Variants in EIF4EBP2 observed in about 807,000 individuals in gnomAD.
The protein encoded by EIF4EBP2 is eukaryotic translation initiation factor 4E binding protein 2, also known as eukaryotic translation initiation factor 4E-binding protein 2.
Under a neutral mutation model 10.3 loss-of-function variants are expected in EIF4EBP2, and 5 were observed. That is an observed-to-expected ratio of 0.48 (90% CI 0.25 to 1.02). The LOEUF (loss-of-function observed/expected upper bound fraction) is 1.02. Among genes scored for constraint, EIF4EBP2 ranks in the 50% least tolerant of loss-of-function variants. EIF4EBP2 has a pLI of 0.15. For synonymous variants in EIF4EBP2, 67 were observed against 61.1 expected, an observed-to-expected ratio of 1.10 and a Z score of -0.45; for missense variants, 188 against 162.2, an observed-to-expected ratio of 1.16 and a Z score of -0.86.
rs143394809 is a variant in EIF4EBP2, at chr10:70,425,681, T to C, written c.*3934T>C. The stretch of plus-strand genomic sequence containing the variant: ...TTATTTGCACATCCTAGACTTGGTG[T>C]CTGTAAGACTCAGTTACCACTTTTA... On this transcript the variant is annotated 3_prime_UTR_variant, in exon 3 of 3. Coordinates refer to ENST00000373218, the MANE Select transcript of EIF4EBP2 (RefSeq NM_004096.5). 6.6e-6 allele frequency: 1 copy of C among 152,316 alleles called. No homozygotes were observed. The highest frequency in any genetic ancestry group is 1.5e-5 in the Non-Finnish European group (1 of 68,026). The allele number at this position is 152,316 out of a possible 1,614,324, so 9.4% of individuals were successfully genotyped here.
chr10:70,418,714 G>A (rs927620761), intron 1 of EIF4EBP2, among the ~76,000 whole-genome samples: 7 of 152,238 alleles, frequency 4.6e-5, no homozygotes, highest in Middle Eastern at 3.4e-3. Context: ...AGAATGCCTC[G>A]TTCCTCATAA....
At chr10:70,418,890 A>G (rs1183677435) in intron 1 of EIF4EBP2, among the ~76,000 whole-genome samples, 1 of 152,152 alleles carries the variant, frequency 6.6e-6, no homozygotes, top group African/African-American at 2.4e-5. Flanking sequence ...GTCATAGCTC[A>G]CTGTAGCCTC....
chr10:70,417,981 C>T (rs539408738), intron 1 of EIF4EBP2, among the ~76,000 whole-genome samples: 4 of 152,250 alleles, frequency 2.6e-5, no homozygotes, highest in Admixed American at 1.3e-4. Flanking sequence ...ACTAGAAACA[C>T]CAAGTTAGAA....
In EIF4EBP2 at chr10:70,419,987, C is replaced by T. The variant is rs961224155; in HGVS notation, c.219C>T (p.Cys73=). 6.2e-7 allele frequency: 1 copy of T among 1,613,070 alleles called. No homozygotes were observed. Residue 73 remains cysteine (C), a synonymous_variant, in exon 2 of 3, where the codon TGC becomes TGT. Coordinates refer to ENST00000373218, the MANE Select transcript of EIF4EBP2 (RefSeq NM_004096.5). Reference sequence around the variant, plus strand: ...CTCCCATGGCTCAGACCCCACCCTGCCACCTGCCCAATATCCCAGGAGTCA... The same window carrying T: ...CTCCCATGGCTCAGACCCCACCCTGTCACCTGCCCAATATCCCAGGAGTCA... ...RNSPMAQTPP[C]HLPNIPGVTS...
Position 70,426,138 on chromosome 10 carries a change from AC to A in EIF4EBP2, c.*4392del, listed in dbSNP as rs1220384041. On this transcript the variant is annotated 3_prime_UTR_variant, in exon 3 of 3. Transcript: ENST00000373218. ...TTGTGTTCATGCTAAAGACAAACTT[AC>A]ATGAAGTTTTTCAGTTTAAGACATT... is the stretch of plus-strand genomic sequence containing the variant. 6.6e-6 allele frequency: 1 copy of A among 152,226 alleles called. No homozygotes were observed. The highest frequency in any genetic ancestry group is 2.4e-5 in the African/African-American group (1 of 41,456). The allele number at this position is 152,226 out of a possible 1,614,324, so 9.4% of individuals were successfully genotyped here.
chr10:70,404,251 C>A lies in EIF4EBP2; in HGVS notation c.-151C>A. On this transcript the variant is annotated 5_prime_UTR_variant, in exon 1 of 3. Coordinates refer to ENST00000373218, the MANE Select transcript of EIF4EBP2 (RefSeq NM_004096.5). ...GCGGCGGCGGCGGCTGAGAGGGCGGCGGCGGGAGCGGAGCGGGACGAGGGA... is the reference window on the plus strand; with the variant it reads ...GCGGCGGCGGCGGCTGAGAGGGCGGAGGCGGGAGCGGAGCGGGACGAGGGA... 1 of 991,646 alleles carries A rather than the reference C, an allele frequency of 1.0e-6. No individual in the cohort carries two copies. The highest frequency in any genetic ancestry group is 1.4e-6 in the Non-Finnish European group (1 of 737,608). The allele number at this position is 991,646 out of a possible 1,614,324, so 61.4% of individuals were successfully genotyped here. A position where few individuals can be genotyped will look rare whatever the true frequency, so the allele number is the denominator to read the frequency against.
At chr10:70,407,774 G>GAGGGGCTCCTCACTTCCCAGT (rs1844992097) in intron 1 of EIF4EBP2, among the ~76,000 whole-genome samples, 2 of 144,070 alleles carry the variant, frequency 1.4e-5, no homozygotes, top group Non-Finnish European at 3.0e-5. Context: ...TGGCCGGGCA[G>GAGGGGCTCCTCACTTCCCAGT]AGGGGCTCCT....
chr10:70,416,681 T>C (rs2137229783), intron 1 of EIF4EBP2, among the ~76,000 whole-genome samples: 1 of 149,132 alleles, frequency 6.7e-6, no homozygotes, highest in Non-Finnish European at 1.5e-5. Flanking sequence ...TTTTTTTTTT[T>C]TTGAGACAGG....
At chr10:70,410,277 C>T (rs1029404284) in intron 1 of EIF4EBP2, among the ~76,000 whole-genome samples, 2 of 152,158 alleles carry the variant, frequency 1.3e-5, no homozygotes, top group African/African-American at 4.8e-5. Context: ...ACCATGTTGG[C>T]CAGGCTGGTC....
At chr10:70,413,731 A>G (rs1267427705) in intron 1 of EIF4EBP2, among the ~76,000 whole-genome samples, 2 of 152,152 alleles carry the variant, frequency 1.3e-5, no homozygotes, top group East Asian at 3.8e-4. Context: ...CAAACAGCAT[A>G]TACAATATTG....
At position 70,411,989 on chromosome 10, in the gene EIF4EBP2, T is replaced by C. The variant is rs1251860986; in HGVS notation, c.145+7443T>C. ...CCTGCTCAATAGCTATTCCCTCTTC[T>C]TGCTTGCTGCCAGATTCCCTCATTT... On this transcript the variant is annotated intron_variant, in intron 1 of 2. Coordinates refer to ENST00000373218, the MANE Select transcript of EIF4EBP2 (RefSeq NM_004096.5). Among the ~76,000 whole-genome samples the C allele has an allele frequency of 9.8e-5, 15 of 152,336 alleles. No individual in the cohort carries two copies. In the East Asian group the frequency reaches 2.9e-3, roughly 29 times the overall value.
Position 70,412,321 on chromosome 10 carries a change from A to G in EIF4EBP2, c.146-7593A>G, listed in dbSNP as rs186127732. 1.7e-4 allele frequency among the ~76,000 whole-genome samples: 21 copies of G among 124,906 alleles called. No homozygotes were observed. The South Asian group carries it at 3.4e-3, about 20-fold the overall frequency. The allele number at this position is 124,906 out of a possible 152,430, so 81.9% of individuals were successfully genotyped here. ...TAATGTTTCGTTCTCCAGGCTGTCT[A>G]TTTGCGTGAGTAAATGGTTAATTCT... is the stretch of plus-strand genomic sequence containing the variant. On this transcript the variant is annotated intron_variant, in intron 1 of 2. Coordinates refer to ENST00000373218, the MANE Select transcript of EIF4EBP2 (RefSeq NM_004096.5).
In EIF4EBP2 at chr10:70,404,603, C is replaced by G. The variant is rs1183473765; in HGVS notation, c.145+57C>G. The G allele has an allele frequency of 4.8e-6, 7 of 1,457,960 alleles. No homozygotes were observed. The African/African-American group carries it at 7.4e-5, about 15-fold the overall frequency. The allele number at this position is 1,457,960 out of a possible 1,614,324, so 90.3% of individuals were successfully genotyped here. A position where few individuals can be genotyped will look rare whatever the true frequency, so the allele number is the denominator to read the frequency against. ...GTGTCCCGCCGCGGTCCTCTAACTC[C>G]TCGGCGCCTCGGTGCCCGGCCGCTT... is the stretch of plus-strand genomic sequence containing the variant. On this transcript the variant is annotated intron_variant, in intron 1 of 2. Coordinates refer to ENST00000373218, the MANE Select transcript of EIF4EBP2 (RefSeq NM_004096.5).
rs988841103 is a variant in EIF4EBP2, at chr10:70,411,365, C to G, written c.145+6819C>G. Reference sequence around the variant, plus strand: ...AAATGAACATTCATCAGTGTTCATGCTTTTTTTCTTGCCATTTTGCTTTTT... The same window carrying G: ...AAATGAACATTCATCAGTGTTCATGGTTTTTTTCTTGCCATTTTGCTTTTT... On this transcript the variant is annotated intron_variant, in intron 1 of 2. Transcript: ENST00000373218. 2.6e-5 allele frequency among the ~76,000 whole-genome samples: 4 copies of G among 151,866 alleles called. No individual in the cohort carries two copies. In the South Asian group the frequency reaches 8.3e-4, roughly 32 times the overall value.
At chr10:70,406,178 C>T (rs1844962830) in intron 1 of EIF4EBP2, among the ~76,000 whole-genome samples, 1 of 152,140 alleles carries the variant, frequency 6.6e-6, no homozygotes, top group Non-Finnish European at 1.5e-5. Context: ...GTCTGGGTTT[C>T]TCCATGTTGC....
At chr10:70,411,361 C>G (rs1280662333) in intron 1 of EIF4EBP2, among the ~76,000 whole-genome samples, 2 of 151,940 alleles carry the variant, frequency 1.3e-5, no homozygotes, top group Admixed American at 1.3e-4. Context: ...CATCAGTGTT[C>G]ATGCTTTTTT....
At position 70,425,497 on chromosome 10, in the gene EIF4EBP2, T is replaced by C. The variant is rs913754286; in HGVS notation, c.*3750T>C. The C allele has an allele frequency of 6.6e-6, 1 of 152,182 alleles. No homozygotes were observed. The highest frequency in any genetic ancestry group is 2.4e-5 in the African/African-American group (1 of 41,434). 9.4% of individuals were successfully genotyped at this position (152,182 alleles called of 1,614,324 possible). On this transcript the variant is annotated 3_prime_UTR_variant, in exon 3 of 3. Transcript: ENST00000373218. The stretch of plus-strand genomic sequence containing the variant: ...TAATCTAGATAAGCTGAAAGATAGA[T>C]TGCTATCAAAAACAGTTCTCCAAGA...
chr10:70,421,233 G>C (rs1255950873), intron 2 of EIF4EBP2, among the ~76,000 whole-genome samples: 3 of 152,188 alleles, frequency 2.0e-5, no homozygotes, highest in East Asian at 1.9e-4. Flanking sequence ...CTTTATCACT[G>C]TAGAAGCAGA....
rs992370415 is a variant in EIF4EBP2, at chr10:70,426,568, C to G, written c.*4821C>G. 1 of 152,220 alleles carries G rather than the reference C, an allele frequency of 6.6e-6. No homozygotes were observed. The highest frequency in any genetic ancestry group is 1.5e-5 in the Non-Finnish European group (1 of 68,058). 9.4% of individuals were successfully genotyped at this position (152,220 alleles called of 1,614,324 possible). A position where few individuals can be genotyped will look rare whatever the true frequency, so the allele number is the denominator to read the frequency against. On this transcript the variant is annotated 3_prime_UTR_variant, in exon 3 of 3. Coordinates refer to ENST00000373218, the MANE Select transcript of EIF4EBP2 (RefSeq NM_004096.5). ...CTGGGATTACAGGCGCGAGCCACCG[C>G]GCCTGGCCAAAGATGCAAATTCTTG...
Sources: allele counts gnomAD v4.1 joint callset (sites outside exome capture counted in the v4.1 genomes callset), GRCh38; gene constraint gnomAD v4.1.1; transcripts MANE v1.5; gene names NCBI Gene and HGNC (gene_info 2026-07-23, HGNC 2026-07-21).